Variants in DEPDC7 observed in about 807,000 individuals in gnomAD.
DEPDC7 encodes the protein DEP domain-containing protein 7.
A neutral mutation model predicts 56.6 loss-of-function variants in DEPDC7; 41 were observed. The observed-to-expected ratio is 0.72, with a 90% CI of 0.56 to 0.94. The LOEUF is 0.94. Ranked by LOEUF, DEPDC7 falls within the 40% of genes least tolerant of loss-of-function variation. The probability of loss-of-function intolerance (pLI) is 0.00; values close to 1 mark genes in which losing one functional copy is unlikely to be tolerated. For synonymous variants in DEPDC7, 185 were observed against 208.8 expected, an observed-to-expected ratio of 0.89 and a Z score of 0.98; for missense variants, 522 against 596.3, an observed-to-expected ratio of 0.88 and a Z score of 1.30.
intron 2 of DEPDC7, 152 bp from the exon 3 acceptor site, chr11:33,027,534 G>A (rs1021171147): frequency 1.9e-6 from 1 of 531,998 alleles, no homozygotes; most frequent in South Asian, 5.1e-5. Context: ...AAAGAAGGTG[G>A]GTGTTTTTAT....
intron 2 of DEPDC7, among the ~76,000 whole-genome samples, chr11:33,027,142 G>T (rs1853587596): frequency 6.6e-6 from 1 of 152,174 alleles, no homozygotes; most frequent in Admixed American, 6.6e-5. Flanking sequence ...CACCATCCCT[G>T]GAGGCATCTG....
chr11:33,026,227 G>T, intron 2 of DEPDC7, 178 bp downstream of exon 2: 1 of 646,868 alleles, frequency 1.5e-6, no homozygotes, highest in Non-Finnish European at 2.7e-6. Context: ...GTGTCTCCTA[G>T]TCATATTTTA....
intron 1 of DEPDC7, among the ~76,000 whole-genome samples, chr11:33,017,160 C>T (rs570199587): frequency 6.6e-6 from 1 of 152,270 alleles, no homozygotes; most frequent in South Asian, 2.1e-4. Flanking sequence ...AGTCTGCTTC[C>T]ATGTAAAGGA....
chr11:33,015,910 G>C lies in DEPDC7; in HGVS notation c.-46G>C. 6.5e-7 allele frequency: 1 copy of C among 1,532,522 alleles called. No individual in the cohort carries two copies. Among genetic ancestry groups the C allele is most frequent in the South Asian group, 1.2e-5 (1 of 82,206 alleles). 94.9% of individuals were successfully genotyped at this position (1,532,522 alleles called of 1,614,324 possible). ...ACAGACGGGCGCTCAGGGAGCTAGG[G>C]AGCTGTGAAGCTGCTGGAGGAGTTG... On this transcript the variant is annotated 5_prime_UTR_variant, in exon 1 of 9. Coordinates refer to ENST00000241051, the MANE Select transcript of DEPDC7 (RefSeq NM_001077242.2).
chr11:33,016,475 A>C (rs925283389), intron 1 of DEPDC7: 1 of 1,607,050 alleles, frequency 6.2e-7, no homozygotes, highest in Non-Finnish European at 8.5e-7. Flanking sequence ...TCCCTTGCCC[A>C]CTTTGTTCTC....
At chr11:33,024,278 C>T (rs937860550) in intron 1 of DEPDC7, among the ~76,000 whole-genome samples, 47 of 152,188 alleles carry the variant, frequency 3.1e-4, no homozygotes, top group African/African-American at 1.0e-3. Context: ...TTCTTCTGTG[C>T]GTACTCTGTC....
At position 33,028,584 on chromosome 11, in the gene DEPDC7, T is replaced by A. The variant is rs746663292; in HGVS notation, c.593-19T>A. 6.4e-7 allele frequency: 1 copy of A among 1,557,706 alleles called. No homozygotes were observed. The highest frequency in any genetic ancestry group is 8.7e-7 in the Non-Finnish European group (1 of 1,155,444). ...AACTATTAATTGTTACTTTTCACCT[T>A]GTCATTTTTCCTGTGTAGTTATTAA... On this transcript the variant is annotated intron_variant, in intron 3 of 8. Coordinates refer to ENST00000241051, the MANE Select transcript of DEPDC7 (RefSeq NM_001077242.2).
intron 1 of DEPDC7, among the ~76,000 whole-genome samples, chr11:33,020,487 C>T (rs894803377): frequency 5.3e-5 from 8 of 152,164 alleles, no homozygotes; most frequent in African/African-American, 1.9e-4. Context: ...TCAAATTATT[C>T]CTGAGCCTCC....
chr11:33,033,543 T>G lies in DEPDC7; in HGVS notation c.*88T>G, dbSNP rs910350646. ...ATCACATTTGTAAGCGTGGAAGCTC[T>G]AAATTTGAAACTGTACTTAATAAAA... is the stretch of plus-strand genomic sequence containing the variant. On this transcript the variant is annotated 3_prime_UTR_variant, in exon 9 of 9. Coordinates refer to ENST00000241051, the MANE Select transcript of DEPDC7 (RefSeq NM_001077242.2). The G allele has an allele frequency of 5.3e-5, 54 of 1,025,020 alleles. No individual in the cohort carries two copies. The highest frequency in any genetic ancestry group is 7.2e-5 in the Non-Finnish European group (52 of 721,678). 63.5% of individuals were successfully genotyped at this position (1,025,020 alleles called of 1,614,324 possible). A position where few individuals can be genotyped will look rare whatever the true frequency, so the allele number is the denominator to read the frequency against.
At chr11:33,016,860 G>C (rs562549254) in intron 1 of DEPDC7, among the ~76,000 whole-genome samples, 1 of 152,174 alleles carries the variant, frequency 6.6e-6, no homozygotes, top group African/African-American at 2.4e-5. Context: ...GATAACCCTT[G>C]GCTTTTTTCT....
At position 33,033,555 on chromosome 11, in the gene DEPDC7, T is replaced by C; in HGVS notation, c.*100T>C. 1.1e-6 allele frequency: 1 copy of C among 918,058 alleles called. No individual in the cohort carries two copies. The highest frequency in any genetic ancestry group is 2.2e-5 in the South Asian group (1 of 45,846). 56.9% of individuals were successfully genotyped at this position (918,058 alleles called of 1,614,324 possible). ...AGCGTGGAAGCTCTAAATTTGAAAC[T>C]GTACTTAATAAAAATTTTTTTGTAT... On this transcript the variant is annotated 3_prime_UTR_variant, in exon 9 of 9. Coordinates refer to ENST00000241051, the MANE Select transcript of DEPDC7 (RefSeq NM_001077242.2).
intron 1 of DEPDC7, among the ~76,000 whole-genome samples, chr11:33,021,830 T>G (rs749739548): frequency 1.3e-4 from 20 of 152,196 alleles, no homozygotes; most frequent in Admixed American, 2.6e-4. Context: ...CTTTAATCTT[T>G]TATGCAGTGT....
At position 33,032,616 on chromosome 11, in the gene DEPDC7, A is replaced by G. The variant is rs1853644646; in HGVS notation, c.1138-52A>G. On this transcript the variant is annotated intron_variant, in intron 6 of 8. Coordinates refer to ENST00000241051, the MANE Select transcript of DEPDC7 (RefSeq NM_001077242.2). ...AATATTTAATATTCCCTTTTATATTAAACTTGTCTCTTAAATATATACTAT... is the reference window on the plus strand; with the variant it reads ...AATATTTAATATTCCCTTTTATATTGAACTTGTCTCTTAAATATATACTAT... 8 of 1,396,786 alleles carry G rather than the reference A, an allele frequency of 5.7e-6. No individual in the cohort carries two copies. In the South Asian group the frequency reaches 1.1e-4, roughly 20 times the overall value. The allele number at this position is 1,396,786 out of a possible 1,614,324, so 86.5% of individuals were successfully genotyped here.
chr11:33,029,241 T>C (rs1308164409), intron 4 of DEPDC7, among the ~76,000 whole-genome samples: 6 of 151,772 alleles, frequency 4.0e-5, no homozygotes. Context: ...CCCATGCCTG[T>C]AATCCTAGCA....
rs1367199951 is a variant in DEPDC7 at position 33,015,954 on chromosome 11, C to G, written c.-2C>G. The G allele has an allele frequency of 6.3e-7, 1 of 1,574,846 alleles. No individual in the cohort carries two copies. ...GGAGTTGGCGTCCGGGGAGCAAGGG[C>G]CATGGCCACCGTGCAGGAGAAGGCT... is the stretch of plus-strand genomic sequence containing the variant. On this transcript the variant is annotated 5_prime_UTR_variant, in exon 1 of 9. Coordinates refer to ENST00000241051, the MANE Select transcript of DEPDC7 (RefSeq NM_001077242.2).
chr11:33,025,516 A>G lies in DEPDC7; in HGVS notation c.74-143A>G, dbSNP rs958821425. On this transcript the variant is annotated intron_variant, in intron 1 of 8. Transcript: ENST00000241051. ...TTTTTAAATGAATCGCTATTAAAAC[A>G]GTATTTCAGTAAGCTACCCTCATAA... 4.0e-6 allele frequency: 3 copies of G among 747,818 alleles called. No individual in the cohort carries two copies. In the African/African-American group the frequency reaches 5.3e-5, roughly 13 times the overall value. 46.3% of individuals were successfully genotyped at this position (747,818 alleles called of 1,614,324 possible). A position where few individuals can be genotyped will look rare whatever the true frequency, so the allele number is the denominator to read the frequency against.
chr11:33,021,463 T>C (rs963951821), intron 1 of DEPDC7, among the ~76,000 whole-genome samples: 1 of 152,210 alleles, frequency 6.6e-6, no homozygotes, highest in African/African-American at 2.4e-5. Flanking sequence ...TAAGTCATCT[T>C]ACTGGGCCAT....
rs757477934 is a variant in DEPDC7 at position 33,032,684 on chromosome 11, T to C, written c.1154T>C (p.Val385Ala). 6.3e-7 allele frequency: 1 copy of C among 1,592,928 alleles called. No homozygotes were observed. Among genetic ancestry groups the C allele is most frequent in the South Asian group, 1.1e-5 (1 of 87,198 alleles). The change falls in exon 7 of 9, where the codon GTT becomes GCT. Residue 385 changes from valine to alanine, a missense_variant. By Grantham distance (64) the Val-to-Ala change is moderately conservative. Transcript: ENST00000241051. ...TTTTTATAGAGTGACAACCGAATGG[T>C]TGTGAAAAGGATATTCTCAAAAGCT... ...KLQKESDNRM[V>A]VKRIFSKAIV...
chr11:33,024,344 G>A lies in DEPDC7; in HGVS notation c.74-1315G>A, dbSNP rs539898298. ...AGGAACCAAATTGTTACTTTACCGC[G>A]CATACAAAGTATTTAACTCATAAGC... On this transcript the variant is annotated intron_variant, in intron 1 of 8. Transcript: ENST00000241051. Among the ~76,000 whole-genome samples the A allele has an allele frequency of 1.1e-4, 16 of 152,216 alleles. No homozygotes were observed. In the South Asian group the frequency reaches 2.3e-3, roughly 22 times the overall value.
Sources: allele counts gnomAD v4.1 joint callset (sites outside exome capture counted in the v4.1 genomes callset), GRCh38; gene constraint gnomAD v4.1.1; transcripts MANE v1.5; gene names NCBI Gene and HGNC (gene_info 2026-07-23, HGNC 2026-07-21).